EDIL3: variants seen among roughly 807,000 people sequenced by gnomAD.
The protein encoded by EDIL3 is EGF-like repeat and discoidin I-like domain-containing protein 3.
Under a neutral mutation model 67.4 loss-of-function variants are expected in EDIL3, and 37 were observed. The observed-to-expected ratio is 0.55, with a 90% CI of 0.42 to 0.72. The LOEUF is 0.72. Among genes scored for constraint, EDIL3 ranks in the 30% least tolerant of loss-of-function variants. The pLI, the probability that EDIL3 is intolerant of heterozygous loss-of-function variation, is 0.00. For missense variants in EDIL3, 527 were observed against 586.3 expected (o/e 0.90, Z 1.04); for synonymous variants, 195 against 196.3 (o/e 0.99, Z 0.05).
intron 9 of EDIL3, among the ~76,000 whole-genome samples, chr5:84,043,672 G>C (rs1252225177): frequency 1.3e-5 from 2 of 152,126 alleles, no homozygotes; most frequent in Admixed American, 1.3e-4. Context: ...GTCATGTAAT[G>C]TCAGCAAATT....
chr5:84,154,785 T>C (rs563244450), intron 4 of EDIL3, among the ~76,000 whole-genome samples: 1,901 of 147,596 alleles, frequency 0.013, 15 homozygotes, highest in Non-Finnish European at 0.018. Context: ...CCGCAACCTC[T>C]GCCTCCCAGG....
chr5:84,112,778 TCA>T (rs1406136194), intron 5 of EDIL3, among the ~76,000 whole-genome samples: 1 of 152,194 alleles, frequency 6.6e-6, no homozygotes, highest in Non-Finnish European at 1.5e-5. Flanking sequence ...ATTATATTCC[TCA>T]CAGTATCTAG....
chr5:84,163,854 C>T (rs1227729914), intron 4 of EDIL3, among the ~76,000 whole-genome samples: 4 of 152,180 alleles, frequency 2.6e-5, no homozygotes, highest in East Asian at 3.9e-4. Context: ...AAATACTATC[C>T]TGTCATCAAA....
chr5:84,000,955 T>C (rs2112169249), intron 9 of EDIL3, among the ~76,000 whole-genome samples: 1 of 151,922 alleles, frequency 6.6e-6, no homozygotes, highest in Admixed American at 6.6e-5. Context: ...AAACACAACA[T>C]ACCAAAACAC....
intron 2 of EDIL3, among the ~76,000 whole-genome samples, chr5:84,235,236 C>T (rs1411926211): frequency 6.6e-6 from 1 of 152,222 alleles, no homozygotes; most frequent in East Asian, 1.9e-4. Flanking sequence ...AAAAGTATAA[C>T]AAAGATGATT....
chr5:84,034,650 A>G (rs1023295136), intron 9 of EDIL3, among the ~76,000 whole-genome samples: 2 of 152,184 alleles, frequency 1.3e-5, no homozygotes, highest in African/African-American at 4.8e-5. Context: ...GTATGGTTAC[A>G]CCTTTCATAG....
At chr5:83,988,838 T>G (rs1745098594) in intron 9 of EDIL3, among the ~76,000 whole-genome samples, 1 of 152,098 alleles carries the variant, frequency 6.6e-6, no homozygotes, top group Non-Finnish European at 1.5e-5. Flanking sequence ...ATTACAAATC[T>G]CAATACAAAA....
At chr5:83,946,486 A>T (rs1744311975) in intron 10 of EDIL3, among the ~76,000 whole-genome samples, 3 of 151,862 alleles carry the variant, frequency 2.0e-5, no homozygotes, top group Admixed American at 2.0e-4. Context: ...AGCTATCTTG[A>T]TTTTCTTTTT....
chr5:84,148,092 TG>T (rs1748320060), intron 4 of EDIL3, among the ~76,000 whole-genome samples: 1 of 152,162 alleles, frequency 6.6e-6, no homozygotes, highest in Non-Finnish European at 1.5e-5. Context: ...AAGGATTCAA[TG>T]AGGTAAATTA....
rs568040040 is a variant in EDIL3 at position 84,055,976 on chromosome 5, A to C, written c.1137+4324T>G. On this transcript the variant is annotated intron_variant, in intron 9 of 10. Coordinates refer to ENST00000296591, the MANE Select transcript of EDIL3 (RefSeq NM_005711.5). ...CATTACTGGATATATACCCAAAGGA[A>C]TATAAATCATGCTGCTATAAAGACA... 1.2e-3 allele frequency among the ~76,000 whole-genome samples: 189 copies of C among 152,330 alleles called. 1 individual carries two copies. Among genetic ancestry groups the C allele is most frequent in the Admixed American group, 7.2e-4 (11 of 15,290 alleles).
intron 1 of EDIL3, among the ~76,000 whole-genome samples, chr5:84,359,373 A>G (rs2112199263): frequency 6.6e-6 from 1 of 152,332 alleles, no homozygotes; most frequent in South Asian, 2.1e-4. Context: ...CTAATATTAA[A>G]TGTACAAGTA....
intron 9 of EDIL3, among the ~76,000 whole-genome samples, chr5:84,049,321 G>A (rs1253265121): frequency 6.6e-6 from 1 of 152,066 alleles, no homozygotes; most frequent in African/African-American, 2.4e-5. Flanking sequence ...ATTAAAATTG[G>A]TGGTGTCAAA....
intron 6 of EDIL3, among the ~76,000 whole-genome samples, chr5:84,077,036 T>A (rs866109669): frequency 4.6e-5 from 7 of 152,216 alleles, no homozygotes; most frequent in African/African-American, 9.6e-5. Context: ...AATAATAGAA[T>A]TAGTTATCAT....
At chr5:84,328,682 A>G (rs752910475) in intron 1 of EDIL3, among the ~76,000 whole-genome samples, 1 of 152,104 alleles carries the variant, frequency 6.6e-6, no homozygotes, top group Non-Finnish European at 1.5e-5. Context: ...TTCAAAGAAC[A>G]CCAGAATTTA....
intron 6 of EDIL3, among the ~76,000 whole-genome samples, chr5:84,081,747 C>T (rs1746973271): frequency 6.6e-6 from 1 of 151,534 alleles, no homozygotes; most frequent in East Asian, 2.0e-4. Context: ...CAAACCTGTT[C>T]AACCAAAAGA....
chr5:84,283,704 G>T (rs1745750614), intron 1 of EDIL3, among the ~76,000 whole-genome samples: 1 of 152,068 alleles, frequency 6.6e-6, no homozygotes, highest in Non-Finnish European at 1.5e-5. Flanking sequence ...CTGGAAAAAA[G>T]TAATGTTTTA....
intron 1 of EDIL3, among the ~76,000 whole-genome samples, chr5:84,326,563 TAAAAAGTTTTGA>T (rs1746760895): frequency 1.3e-5 from 2 of 152,028 alleles, no homozygotes; most frequent in East Asian, 3.9e-4. Flanking sequence ...TTTACCACAA[TAAAAAGTTTTGA>T]AAAAAAAAGT....
At chr5:84,176,198 AATATATAT>A (rs561062432) in intron 4 of EDIL3, among the ~76,000 whole-genome samples, 999 of 77,240 alleles carry the variant, frequency 0.013, 24 homozygotes, top group Middle Eastern at 0.029. Flanking sequence ...ATATATATAT[AATATATAT>A]ATATATATAT....
intron 1 of EDIL3, among the ~76,000 whole-genome samples, chr5:84,325,703 T>C (rs1393108074): frequency 1.3e-5 from 2 of 152,088 alleles, no homozygotes; most frequent in Non-Finnish European, 2.9e-5. Context: ...CATAGCAGCA[T>C]TATTCACAAT....
Sources: allele counts gnomAD v4.1 joint callset (sites outside exome capture counted in the v4.1 genomes callset), GRCh38; gene constraint gnomAD v4.1.1; transcripts MANE v1.5; gene names NCBI Gene and HGNC (gene_info 2026-07-23, HGNC 2026-07-21).